Variants in CCDC148 observed in about 807,000 individuals in gnomAD.
The protein encoded by CCDC148 is coiled-coil domain containing 148, also known as coiled-coil domain-containing protein 148.
A neutral mutation model predicts 85.7 loss-of-function variants in CCDC148; 89 were observed. The observed-to-expected ratio is 1.04, with a 90% confidence interval of 0.87 to 1.24. The LOEUF (loss-of-function observed/expected upper bound fraction) is 1.24. Ranked by LOEUF, CCDC148 falls within the 50% of genes most tolerant of loss-of-function variation. CCDC148 has a pLI of 0.00. For synonymous variants in CCDC148, 230 were observed against 213.9 expected (o/e 1.08, Z -0.66); for missense variants, 692 against 671.7 (o/e 1.03, Z -0.33).
chr2:158,436,588 C>G (rs548461008), intron 1 of CCDC148, among the ~76,000 whole-genome samples: 49 of 152,116 alleles, frequency 3.2e-4, no homozygotes, highest in Non-Finnish European at 5.9e-4. Flanking sequence ...AGAGCAAACA[C>G]ATTCAAAAGC....
chr2:158,231,782 C>T (rs1390970512), intron 10 of CCDC148, among the ~76,000 whole-genome samples: 2 of 152,042 alleles, frequency 1.3e-5, no homozygotes. Flanking sequence ...GTCTCTGGTC[C>T]AAGAATAACA....
At chr2:158,371,321 C>T (rs879804040) in intron 1 of CCDC148, among the ~76,000 whole-genome samples, 5 of 151,924 alleles carry the variant, frequency 3.3e-5, no homozygotes, top group South Asian at 2.1e-4. Flanking sequence ...ATATTCACCA[C>T]GTCATTTTTT....
intron 11 of CCDC148, among the ~76,000 whole-genome samples, chr2:158,180,165 C>G (rs1175351413): frequency 6.6e-6 from 1 of 152,124 alleles, no homozygotes; most frequent in Non-Finnish European, 1.5e-5. Flanking sequence ...GTCCTTTACC[C>G]TTAGTGTGCA....
intron 7 of CCDC148, among the ~76,000 whole-genome samples, chr2:158,316,591 A>C (rs1692292566): frequency 6.6e-6 from 1 of 152,240 alleles, no homozygotes; most frequent in Non-Finnish European, 1.5e-5. Context: ...AAACATGCTT[A>C]AAGGAAATGA....
chr2:158,217,336 G>GTGTATATATATATATA (rs59724353), intron 11 of CCDC148, among the ~76,000 whole-genome samples: 1 of 137,712 alleles, frequency 7.3e-6, no homozygotes. Context: ...ATAATTTTGT[G>GTGTATATATATATATA]TATATATATA....
At chr2:158,312,578 CA>C (rs61545122) in intron 8 of CCDC148, among the ~76,000 whole-genome samples, 5,686 of 76,036 alleles carry the variant, frequency 0.075, 85 homozygotes, top group Non-Finnish European at 0.088. Context: ...GAATCCATCT[CA>C]AAAAAAAAAA....
At chr2:158,422,177 C>G in intron 1 of CCDC148, among the ~76,000 whole-genome samples, 1 of 152,166 alleles carries the variant, frequency 6.6e-6, no homozygotes, top group Non-Finnish European at 1.5e-5. Context: ...GAGCTGGTAC[C>G]ATTCCTTCTG....
rs16842890 is a variant in CCDC148 at position 158,338,770 on chromosome 2, C to T, written c.720G>A (p.Gln240=). Residue 240 remains glutamine, a synonymous_variant, in exon 7 of 14, where the codon CAG becomes CAA. Coordinates refer to ENST00000283233, the MANE Select transcript of CCDC148 (RefSeq NM_138803.4). ...GCAGATTAAAGTCTTGAAGCTTCTTCTGATATTTCTGTGTAAACTTATAGA... is the reference window on the plus strand; with the variant it reads ...GCAGATTAAAGTCTTGAAGCTTCTTTTGATATTTCTGTGTAAACTTATAGA... ...SEFYKFTQKY[Q]KKLQDFNLQL... is the part of the protein sequence containing the mutation. 0.097 allele frequency: 155,979 copies of T among 1,609,548 alleles called. 11,650 individuals carry two copies. The highest frequency in any genetic ancestry group is 0.38 in the African/African-American group (28,439 of 74,440).
At chr2:158,197,080 G>C (rs1481030400) in intron 11 of CCDC148, among the ~76,000 whole-genome samples, 1 of 152,148 alleles carries the variant, frequency 6.6e-6, no homozygotes, top group Admixed American at 6.6e-5. Context: ...ATGTGGCAAT[G>C]ATAAGGCTAA....
intron 7 of CCDC148, among the ~76,000 whole-genome samples, chr2:158,329,375 T>C (rs1003924536): frequency 1.3e-5 from 2 of 152,204 alleles, no homozygotes; most frequent in Non-Finnish European, 2.9e-5. Context: ...TTGATGCATA[T>C]CTCTGTTTTG....
At position 158,369,735 on chromosome 2, in the gene CCDC148, C is replaced by T. The variant is rs144146560; in HGVS notation, c.26-11165G>A. ...GAACAGGAGTGGTGGGAGAGGGCATCCTTGTCTTGTGCCAGTTTTCAAGGG... is the reference window on the plus strand; with the variant it reads ...GAACAGGAGTGGTGGGAGAGGGCATTCTTGTCTTGTGCCAGTTTTCAAGGG... On this transcript the variant is annotated intron_variant, in intron 1 of 13. Coordinates refer to ENST00000283233, the MANE Select transcript of CCDC148 (RefSeq NM_138803.4). 4.2e-3 allele frequency among the ~76,000 whole-genome samples: 640 copies of T among 152,180 alleles called. 13 individuals carry two copies. The highest frequency in any genetic ancestry group is 5.0e-3 in the East Asian group (26 of 5,178).
intron 7 of CCDC148, among the ~76,000 whole-genome samples, chr2:158,330,457 G>T (rs947322984): frequency 6.6e-6 from 1 of 152,120 alleles, no homozygotes; most frequent in Non-Finnish European, 1.5e-5. Context: ...AGCGATATTG[G>T]TCTAAAATTT....
intron 9 of CCDC148, among the ~76,000 whole-genome samples, chr2:158,302,302 G>A (rs1013140298): frequency 1.3e-5 from 2 of 152,122 alleles, no homozygotes; most frequent in African/African-American, 4.8e-5. Context: ...TGAGAATGAG[G>A]GTGTATGGTG....
intron 1 of CCDC148, among the ~76,000 whole-genome samples, chr2:158,377,725 A>C (rs999788949): frequency 1.3e-5 from 2 of 152,020 alleles, no homozygotes; most frequent in Admixed American, 6.6e-5. Flanking sequence ...TCTGTGTCTC[A>C]TTTTGGTTAT....
At chr2:158,183,225 T>C (rs1260633148) in intron 11 of CCDC148, among the ~76,000 whole-genome samples, 13 of 152,174 alleles carry the variant, frequency 8.5e-5, no homozygotes, top group Admixed American at 8.5e-4. Context: ...AAGGATTTTA[T>C]TTAAGCCTCC....
intron 11 of CCDC148, among the ~76,000 whole-genome samples, chr2:158,183,589 T>G (rs1241732380): frequency 6.6e-6 from 1 of 152,034 alleles, no homozygotes. Context: ...ACAAAAAACT[T>G]AAGCAATAAA....
At chr2:158,211,841 T>C (rs930758077) in intron 11 of CCDC148, among the ~76,000 whole-genome samples, 3 of 152,176 alleles carry the variant, frequency 2.0e-5, no homozygotes, top group Admixed American at 2.0e-4. Flanking sequence ...ACATCAAAAT[T>C]GCTATATATT....
rs1689678337 is a variant in CCDC148 at position 158,271,105 on chromosome 2, CTGTT to C, written c.1111-20197_1111-20194del. Among the ~76,000 whole-genome samples, 5 of 152,294 alleles carry C rather than the reference CTGTT, an allele frequency of 3.3e-5. No individual in the cohort carries two copies. The Middle Eastern group carries it at 0.017, about 518-fold the overall frequency. On this transcript the variant is annotated intron_variant, in intron 9 of 13. Coordinates refer to ENST00000283233, the MANE Select transcript of CCDC148 (RefSeq NM_138803.4). ...TGCCTTTGTGAAATTGATCCATTCA[CTGTT>C]TCAGCATAATCATCATCACTTTCAC...
intron 9 of CCDC148, among the ~76,000 whole-genome samples, chr2:158,258,758 G>GCT (rs1383942790): frequency 6.6e-6 from 1 of 151,664 alleles, no homozygotes; most frequent in African/African-American, 2.4e-5. Context: ...ATCCACTGTT[G>GCT]CTCCTCTCTC....
Sources: gnomAD v4.1 joint callset for allele counts (sites outside exome capture counted in the v4.1 genomes callset) on GRCh38, gnomAD v4.1.1 for gene constraint, MANE v1.5 for transcripts, NCBI Gene and HGNC (gene_info 2026-07-23, HGNC 2026-07-21) for gene names.